PLOD2: variants seen among roughly 807,000 people sequenced by gnomAD.
PLOD2 encodes the protein lysine hydroxylase 2.
In PLOD2, 65 loss-of-function variants were observed where a neutral mutation model predicts 101.0. The ratio of observed to expected loss-of-function variants is 0.64; its 90% confidence interval spans 0.53 to 0.79. PLOD2 has a LOEUF of 0.79. Among genes scored for constraint, PLOD2 ranks in the 30% least tolerant of loss-of-function variants. The pLI is 0.00. For synonymous variants in PLOD2, 314 were observed against 302.9 expected (o/e 1.04, Z -0.38); for missense variants, 909 against 914.6 (o/e 0.99, Z 0.08).
At chr3:146,135,265 A>G (rs1309278373) in intron 1 of PLOD2, among the ~76,000 whole-genome samples, 1 of 152,164 alleles carries the variant, frequency 6.6e-6, no homozygotes, top group East Asian at 1.9e-4. Flanking sequence ...ACATTGTTCT[A>G]CGAGTTGAAG....
intron 1 of PLOD2, among the ~76,000 whole-genome samples, chr3:146,149,371 T>C (rs1358723730): frequency 6.6e-6 from 1 of 152,168 alleles, no homozygotes; most frequent in African/African-American, 2.4e-5. Context: ...GATATAATTA[T>C]CAATTATAGT....
chr3:146,090,962 C>A (rs1936952302), intron 8 of PLOD2, among the ~76,000 whole-genome samples: 1 of 151,832 alleles, frequency 6.6e-6, no homozygotes, highest in Admixed American at 6.6e-5. Flanking sequence ...TACATATAAT[C>A]TTCCATGTTA....
At position 146,120,129 on chromosome 3, in the gene PLOD2, G is replaced by A. The variant is rs193274855; in HGVS notation, c.338+983C>T. ...GTTGTTTCCTGATTTTTTAATGATCGCCATTCTAACTCGTGTGAGATGGTA... is the reference window on the plus strand; with the variant it reads ...GTTGTTTCCTGATTTTTTAATGATCACCATTCTAACTCGTGTGAGATGGTA... On this transcript the variant is annotated intron_variant, in intron 3 of 19. Coordinates refer to ENST00000282903, the MANE Select transcript of PLOD2 (RefSeq NM_182943.3). Among the ~76,000 whole-genome samples the A allele has an allele frequency of 6.0e-3, 914 of 151,842 alleles. 12 individuals carry two copies. The highest frequency in any genetic ancestry group is 0.021 in the African/African-American group (866 of 41,376).
chr3:146,152,634 G>T (rs2108143542), intron 1 of PLOD2, among the ~76,000 whole-genome samples: 1 of 152,190 alleles, frequency 6.6e-6, no homozygotes, highest in South Asian at 2.1e-4. Flanking sequence ...GAGTGAAGAG[G>T]GGAGAAAGAA....
chr3:146,117,727 A>G (rs1937975382), intron 3 of PLOD2, among the ~76,000 whole-genome samples: 2 of 152,072 alleles, frequency 1.3e-5, no homozygotes, highest in Admixed American at 1.3e-4. Context: ...TCCATTATAT[A>G]TCCCAAACAC....
chr3:146,138,415 AG>A (rs1221454705), intron 1 of PLOD2, among the ~76,000 whole-genome samples: 1 of 152,092 alleles, frequency 6.6e-6, no homozygotes, highest in Non-Finnish European at 1.5e-5. Flanking sequence ...AGAGTGTCGC[AG>A]GGAGTCTTGA....
intron 1 of PLOD2, among the ~76,000 whole-genome samples, chr3:146,125,861 G>A (rs940460025): frequency 1.4e-4 from 21 of 152,040 alleles, no homozygotes; most frequent in African/African-American, 5.1e-4. Flanking sequence ...TTTCAAAATA[G>A]GGAATACCAC....
chr3:146,071,755 C>T (rs553214155), intron 17 of PLOD2, among the ~76,000 whole-genome samples: 1 of 151,692 alleles, frequency 6.6e-6, no homozygotes, highest in African/African-American at 2.4e-5. Context: ...TACAGTGACC[C>T]TTTAGGCAGT....
At chr3:146,080,947 C>T (rs182642755) in intron 12 of PLOD2, among the ~76,000 whole-genome samples, 2 of 151,962 alleles carry the variant, frequency 1.3e-5, no homozygotes, top group Admixed American at 6.6e-5. Flanking sequence ...TGAACAGAAA[C>T]GTGTGCCTTT....
chr3:146,083,968 T>C (rs1354621848), intron 11 of PLOD2, among the ~76,000 whole-genome samples: 2 of 151,816 alleles, frequency 1.3e-5, no homozygotes, highest in Non-Finnish European at 2.9e-5. Context: ...ATTAAATAGT[T>C]CACTAAGAGA....
intron 7 of PLOD2, among the ~76,000 whole-genome samples, chr3:146,100,333 G>A (rs930953024): frequency 6.6e-6 from 1 of 152,196 alleles, no homozygotes; most frequent in Admixed American, 6.5e-5. Context: ...GCTGGACCCT[G>A]GGGAAACAAA....
chr3:146,118,816 G>A (rs560738231), intron 3 of PLOD2, among the ~76,000 whole-genome samples: 7 of 152,048 alleles, frequency 4.6e-5, no homozygotes, highest in Non-Finnish European at 5.9e-5. Flanking sequence ...ATAACTTTGC[G>A]TGGTCTTTTT....
chr3:146,125,306 A>T (rs1192231998), intron 1 of PLOD2, among the ~76,000 whole-genome samples: 1 of 152,210 alleles, frequency 6.6e-6, no homozygotes, highest in Admixed American at 6.5e-5. Context: ...CAATGTATCT[A>T]TCTGTCAAAT....
rs1283386211 is a variant in PLOD2, at chr3:146,106,561, T to C, written c.586A>G (p.Thr196Ala). The part of the protein sequence containing the change: ...QDNDDDQLFY[T>A]KVYIDPLKRE... ...TTCAGTGGATCAATGTAAACTTTAG[T>C]GTAAAAGAGCTGATCATCATCATTA... Residue 196 changes from threonine (T) to alanine (A), a missense_variant, in exon 5 of 20, where the codon ACT becomes GCT. Physicochemically the swap from Thr to Ala is moderately conservative, Grantham distance 58. Coordinates refer to ENST00000282903, the MANE Select transcript of PLOD2 (RefSeq NM_182943.3). 4 of 1,573,486 alleles carry C rather than the reference T, an allele frequency of 2.5e-6. No homozygotes were observed. The highest frequency in any genetic ancestry group is 1.3e-5 in the African/African-American group (1 of 74,102).
At chr3:146,097,675 G>GT (rs1937250147) in intron 7 of PLOD2, among the ~76,000 whole-genome samples, 1 of 124,698 alleles carries the variant, frequency 8.0e-6, no homozygotes, top group Non-Finnish European at 1.6e-5. Flanking sequence ...AGGCCGCAGG[G>GT]TCCTCTGCCT....
At chr3:146,124,753 A>T (rs2030448464) in intron 1 of PLOD2, among the ~76,000 whole-genome samples, 2 of 152,166 alleles carry the variant, frequency 1.3e-5, no homozygotes, top group South Asian at 4.2e-4. Context: ...CAAAATCTTA[A>T]TTTTTTTCTC....
intron 11 of PLOD2, among the ~76,000 whole-genome samples, chr3:146,084,377 TATAG>T (rs1181012687): frequency 3.3e-5 from 5 of 152,014 alleles, no homozygotes; most frequent in Non-Finnish European, 7.4e-5. Context: ...GATATATATA[TATAG>T]ATAGATATTA....
At chr3:146,156,362 G>A (rs2032303085) in intron 1 of PLOD2, among the ~76,000 whole-genome samples, 1 of 152,178 alleles carries the variant, frequency 6.6e-6, no homozygotes, top group African/African-American at 2.4e-5. Context: ...GACTTTGCAG[G>A]CCTCATAGTC....
intron 3 of PLOD2, among the ~76,000 whole-genome samples, chr3:146,112,627 C>T (rs144743200): frequency 0.18 from 27,250 of 151,666 alleles, 2,938 homozygotes; most frequent in South Asian, 0.26. Flanking sequence ...TCAAGGCGGG[C>T]GGATCATGAG....
Sources: gnomAD v4.1 joint callset for allele counts (sites outside exome capture counted in the v4.1 genomes callset) on GRCh38, gnomAD v4.1.1 for gene constraint, MANE v1.5 for transcripts, NCBI Gene and HGNC (gene_info 2026-07-23, HGNC 2026-07-21) for gene names.